NFKB1: variants seen among roughly 807,000 people sequenced by gnomAD.
NFKB1 encodes the protein nuclear factor NF-kappa-B p105 subunit.
NFKB1 carries 9 observed loss-of-function variants against 105.1 expected under a neutral mutation model. That is an observed-to-expected ratio of 0.09 (90% CI 0.05 to 0.15). The LOEUF (loss-of-function observed/expected upper bound fraction) is 0.15. Among genes scored for constraint, NFKB1 ranks in the 10% least tolerant of loss-of-function variants. The pLI, the probability that NFKB1 is intolerant of heterozygous loss-of-function variation, is 1.00. For synonymous variants in NFKB1, 440 were observed against 442.2 expected, an observed-to-expected ratio of 1.00 and a Z score of 0.06; for missense variants, 830 against 1,203.7, an observed-to-expected ratio of 0.69 and a Z score of 4.59.
chr4:102,584,788 C>A lies in NFKB1; in HGVS notation c.1034C>A (p.Pro345Gln). Residue 345 changes from proline (P) to glutamine (Q), a missense_variant, in exon 11 of 24, where the codon CCA (proline) becomes CAA (glutamine). Pro to Gln is a moderately conservative substitution (Grantham distance 76). Transcript: ENST00000226574. Reference sequence around the variant, plus strand: ...AAATCTGACTTGGAAACTAGTGAACCAAAACCTTTCCTCTACTATCCTGAA... The same window carrying A: ...AAATCTGACTTGGAAACTAGTGAACAAAAACCTTTCCTCTACTATCCTGAA... ...RRKSDLETSE[P>Q]KPFLYYPEIK... 6.2e-7 allele frequency: 1 copy of A among 1,612,384 alleles called. No individual in the cohort carries two copies. The highest frequency in any genetic ancestry group is 8.5e-7 in the Non-Finnish European group (1 of 1,179,110).
At chr4:102,547,978 T>G (rs542760595) in intron 5 of NFKB1, among the ~76,000 whole-genome samples, 2 of 152,226 alleles carry the variant, frequency 1.3e-5, no homozygotes, top group East Asian at 3.9e-4. Context: ...TGTATTAGTT[T>G]TGTAGGGCAG....
chr4:102,617,119 T>G lies in NFKB1; in HGVS notation c.*525T>G, dbSNP rs368126261. 1.4e-5 allele frequency: 1 copy of G among 69,366 alleles called. No individual in the cohort carries two copies. Among genetic ancestry groups the G allele is most frequent in the Non-Finnish European group, 3.2e-5 (1 of 31,194 alleles). 4.3% of individuals were successfully genotyped at this position (69,366 alleles called of 1,614,324 possible). A position where few individuals can be genotyped will look rare whatever the true frequency, so the allele number is the denominator to read the frequency against. ...TTTGCAAAAAAAAAAAAAAAAAAAA[T>G]ACTTGTCAATATTTAAACATGGTTA... On this transcript the variant is annotated 3_prime_UTR_variant, in exon 24 of 24. Coordinates refer to ENST00000226574, the MANE Select transcript of NFKB1 (RefSeq NM_003998.4).
Position 102,616,429 on chromosome 4 carries a change from CT to C in NFKB1, c.2750-4del. 1 of 1,613,648 alleles carries C rather than the reference CT, an allele frequency of 6.2e-7. No individual in the cohort carries two copies. The highest frequency in any genetic ancestry group is 8.5e-7 in the Non-Finnish European group (1 of 1,179,892). On this transcript the variant is annotated splice_polypyrimidine_tract_variant and splice_region_variant and intron_variant, in intron 23 of 23. Coordinates refer to ENST00000226574, the MANE Select transcript of NFKB1 (RefSeq NM_003998.4). ...CCCCAGTGAATTTGTGCTTTCTCCC[CT>C]CAGACGAGCTCCGAGACAGTGACAG...
chr4:102,521,245 G>A (rs1438677366), intron 1 of NFKB1, among the ~76,000 whole-genome samples: 2 of 152,142 alleles, frequency 1.3e-5, no homozygotes. Context: ...TCATTTGAGT[G>A]TTTCACATTT....
intron 15 of NFKB1, among the ~76,000 whole-genome samples, chr4:102,599,627 G>A (rs977925079): frequency 6.6e-6 from 1 of 152,120 alleles, no homozygotes; most frequent in Non-Finnish European, 1.5e-5. Context: ...ATTGCTTAAG[G>A]GATTAAGAGA....
intron 6 of NFKB1, among the ~76,000 whole-genome samples, chr4:102,575,472 C>T (rs1482865057): frequency 6.6e-6 from 1 of 151,992 alleles, no homozygotes; most frequent in African/African-American, 2.4e-5. Flanking sequence ...TGAGTAAAAG[C>T]CAGAGATCTG....
At chr4:102,560,519 G>A (rs557572101) in intron 5 of NFKB1, among the ~76,000 whole-genome samples, 1 of 152,142 alleles carries the variant, frequency 6.6e-6, no homozygotes, top group Non-Finnish European at 1.5e-5. Flanking sequence ...CACTAAACAA[G>A]GTGAAAGAAT....
chr4:102,573,757 G>T (rs1724581589), intron 6 of NFKB1, among the ~76,000 whole-genome samples: 2 of 151,864 alleles, frequency 1.3e-5, no homozygotes, highest in African/African-American at 4.8e-5. Context: ...ATTTTGGAAA[G>T]TTTTATTACT....
chr4:102,510,414 C>T (rs1739702040), intron 1 of NFKB1, among the ~76,000 whole-genome samples: 1 of 152,028 alleles, frequency 6.6e-6, no homozygotes, highest in Admixed American at 6.5e-5. Context: ...TATTTTTGTT[C>T]TGTAAAAAAA....
chr4:102,503,110 G>A (rs1439665334), intron 1 of NFKB1, among the ~76,000 whole-genome samples: 1 of 152,092 alleles, frequency 6.6e-6, no homozygotes, highest in Non-Finnish European at 1.5e-5. Flanking sequence ...GGCACTATAG[G>A]AATTATGTAT....
At chr4:102,511,797 A>C (rs940454736) in intron 1 of NFKB1, among the ~76,000 whole-genome samples, 57 of 152,382 alleles carry the variant, frequency 3.7e-4, no homozygotes, top group African/African-American at 1.3e-3. Flanking sequence ...ATTTATCTCA[A>C]GGTGAACACG....
At chr4:102,587,811 A>G (rs1454407287) in intron 11 of NFKB1, among the ~76,000 whole-genome samples, 1 of 152,204 alleles carries the variant, frequency 6.6e-6, no homozygotes, top group Non-Finnish European at 1.5e-5. Flanking sequence ...TAAAAACTCA[A>G]GATAATAGGA....
At chr4:102,530,360 TA>T (rs1741207764) in intron 3 of NFKB1, among the ~76,000 whole-genome samples, 1 of 152,148 alleles carries the variant, frequency 6.6e-6, no homozygotes, top group Admixed American at 6.6e-5. Context: ...ATCATCTTTA[TA>T]AAAGCTTATA....
At chr4:102,527,829 T>C (rs1015100120) in intron 2 of NFKB1, among the ~76,000 whole-genome samples, 5 of 152,172 alleles carry the variant, frequency 3.3e-5, no homozygotes, top group Non-Finnish European at 4.4e-5. Flanking sequence ...TTCCTGTCTG[T>C]ACACAGGAAA....
intron 5 of NFKB1, among the ~76,000 whole-genome samples, chr4:102,565,915 C>T (rs1723829170): frequency 6.6e-6 from 1 of 152,072 alleles, no homozygotes; most frequent in Non-Finnish European, 1.5e-5. Flanking sequence ...CTCCAAAAAC[C>T]CTGTGTCCCA....
intron 6 of NFKB1, among the ~76,000 whole-genome samples, chr4:102,571,499 A>G (rs934078273): frequency 8.5e-5 from 13 of 152,218 alleles, no homozygotes; most frequent in Non-Finnish European, 1.6e-4. Context: ...TAATTAAACT[A>G]AAGAGCTTCT....
intron 14 of NFKB1, among the ~76,000 whole-genome samples, chr4:102,596,861 A>G (rs2149207422): frequency 6.6e-6 from 1 of 152,120 alleles, no homozygotes; most frequent in Admixed American, 6.5e-5. Context: ...GAAGACGTCT[A>G]TAAAAGCAAA....
chr4:102,511,726 T>C (rs1560629586), intron 1 of NFKB1, among the ~76,000 whole-genome samples: 1 of 152,190 alleles, frequency 6.6e-6, no homozygotes, highest in Non-Finnish European at 1.5e-5. Context: ...ATTAGCCTTT[T>C]TTAAGTTGAA....
chr4:102,584,257 T>C (rs1318064519), intron 10 of NFKB1, among the ~76,000 whole-genome samples: 3 of 152,126 alleles, frequency 2.0e-5, no homozygotes, highest in Non-Finnish European at 2.9e-5. Flanking sequence ...CAATGTTTAG[T>C]TTCTTCTCTT....
Sources: gnomAD v4.1 joint callset for allele counts (sites outside exome capture counted in the v4.1 genomes callset) on GRCh38, gnomAD v4.1.1 for gene constraint, MANE v1.5 for transcripts, NCBI Gene and HGNC (gene_info 2026-07-23, HGNC 2026-07-21) for gene names.